SMYD3: variants seen among roughly 807,000 people sequenced by gnomAD.
SMYD3 encodes the protein histone-lysine N-methyltransferase SMYD3.
In SMYD3, 36 loss-of-function variants were observed where a neutral mutation model predicts 57.7. That is an observed-to-expected ratio of 0.62 (90% CI 0.48 to 0.82). The LOEUF is 0.82. Among genes scored for constraint, SMYD3 ranks in the 40% least tolerant of loss-of-function variants. SMYD3 has a pLI of 0.00. For missense variants in SMYD3, 515 were observed against 538.8 expected, an observed-to-expected ratio of 0.96 and a Z score of 0.44; for synonymous variants, 211 against 195.0, an observed-to-expected ratio of 1.08 and a Z score of -0.68.
chr1:246,339,091 C>T (rs1412916542), intron 2 of SMYD3, among the ~76,000 whole-genome samples: 1 of 152,112 alleles, frequency 6.6e-6, no homozygotes, highest in Non-Finnish European at 1.5e-5. Flanking sequence ...TTACATAATC[C>T]TAACAGCACT....
At chr1:245,942,394 T>C (rs886177110) in intron 5 of SMYD3, among the ~76,000 whole-genome samples, 14 of 152,212 alleles carry the variant, frequency 9.2e-5, no homozygotes, top group African/African-American at 3.4e-4. Context: ...GGGCATTACA[T>C]AATGGTAAAG....
intron 10 of SMYD3, among the ~76,000 whole-genome samples, chr1:245,798,564 C>G (rs2047700786): frequency 6.6e-6 from 1 of 150,698 alleles, no homozygotes; most frequent in African/African-American, 2.4e-5. Flanking sequence ...ACCCCAGAAC[C>G]AGGAAGAAAG....
intron 1 of SMYD3, among the ~76,000 whole-genome samples, chr1:246,495,966 A>AAT (rs139944620): frequency 2.0e-5 from 3 of 148,772 alleles, no homozygotes; most frequent in Admixed American, 6.7e-5. Flanking sequence ...TCACCTCAAA[A>AAT]AATAATAATA....
chr1:245,954,844 C>G (rs1390522254), intron 5 of SMYD3, among the ~76,000 whole-genome samples: 1 of 152,214 alleles, frequency 6.6e-6, no homozygotes, highest in Non-Finnish European at 1.5e-5. Context: ...GTCAATCTCT[C>G]TGGTCCCTGT....
intron 5 of SMYD3, among the ~76,000 whole-genome samples, chr1:246,324,581 T>G (rs2065308507): frequency 6.6e-6 from 1 of 151,918 alleles, no homozygotes; most frequent in South Asian, 2.1e-4. Context: ...CAGCGTAAAT[T>G]CAGAAGTCAG....
intron 5 of SMYD3, among the ~76,000 whole-genome samples, chr1:246,273,161 T>TGG (rs754308521): frequency 3.4e-4 from 45 of 131,130 alleles, no homozygotes; most frequent in Middle Eastern, 3.7e-3. Flanking sequence ...TTCTTTTTTT[T>TGG]GGGGGGGGGA....
chr1:246,195,749 A>G (rs760993317), intron 5 of SMYD3, among the ~76,000 whole-genome samples: 13 of 152,224 alleles, frequency 8.5e-5, no homozygotes, highest in Non-Finnish European at 1.6e-4. Flanking sequence ...AGGTCACTGT[A>G]ATACAACATC....
intron 2 of SMYD3, among the ~76,000 whole-genome samples, chr1:246,352,136 CAAAAAAAAAAAAAA>C (rs10581690): frequency 3.3e-5 from 2 of 60,478 alleles, no homozygotes; most frequent in Admixed American, 2.5e-4. Context: ...GACTCTGTCT[CAAAAAAAAAAAAAA>C]AAAAAAAAAA....
At chr1:246,288,291 C>T (rs1396856380) in intron 5 of SMYD3, among the ~76,000 whole-genome samples, 1 of 151,874 alleles carries the variant, frequency 6.6e-6, no homozygotes, top group African/African-American at 2.4e-5. Context: ...TCAGGCTGGT[C>T]TTGAACTCCG....
At chr1:246,143,878 G>C (rs2061802207) in intron 5 of SMYD3, among the ~76,000 whole-genome samples, 1 of 152,204 alleles carries the variant, frequency 6.6e-6, no homozygotes, top group African/African-American at 2.4e-5. Context: ...ACAGGATCAA[G>C]ATATTGAACA....
chr1:246,415,934 T>C (rs1318026547), intron 1 of SMYD3, among the ~76,000 whole-genome samples: 4 of 152,216 alleles, frequency 2.6e-5, no homozygotes, highest in Non-Finnish European at 5.9e-5. Flanking sequence ...TTGAACTGCA[T>C]ACATGTACGT....
At chr1:245,843,538 ATATGTGTGTG>A (rs1343755033) in intron 10 of SMYD3, among the ~76,000 whole-genome samples, 117 of 74,804 alleles carry the variant, frequency 1.6e-3, no homozygotes, top group African/African-American at 7.7e-3. Flanking sequence ...GTGTATATAT[ATATGTGTGTG>A]TGTGTGTGTG....
intron 10 of SMYD3, among the ~76,000 whole-genome samples, chr1:245,827,167 G>C: frequency 6.6e-6 from 1 of 152,178 alleles, no homozygotes; most frequent in East Asian, 1.9e-4. Flanking sequence ...GGCCCAGGGA[G>C]ATTAAACGGC....
intron 5 of SMYD3, among the ~76,000 whole-genome samples, chr1:246,118,184 C>T (rs745724738): frequency 2.6e-5 from 4 of 152,126 alleles, no homozygotes; most frequent in Non-Finnish European, 5.9e-5. Flanking sequence ...AAGGTAAAAA[C>T]AGTAGCTGAC....
At chr1:246,449,050 A>G (rs139849750) in intron 1 of SMYD3, among the ~76,000 whole-genome samples, 2 of 152,276 alleles carry the variant, frequency 1.3e-5, no homozygotes, top group East Asian at 3.9e-4. Context: ...AAACATAGTG[A>G]GACCCAGTGT....
intron 5 of SMYD3, among the ~76,000 whole-genome samples, chr1:246,120,428 C>A (rs6693724): frequency 6.6e-6 from 1 of 152,014 alleles, no homozygotes; most frequent in Admixed American, 6.6e-5. Context: ...TTCCTAAACT[C>A]AAGGGTCGCT....
intron 5 of SMYD3, among the ~76,000 whole-genome samples, chr1:246,129,867 T>C (rs572621589): frequency 7.2e-4 from 109 of 152,278 alleles, no homozygotes; most frequent in Middle Eastern, 6.8e-3. Flanking sequence ...AATTTGTGCA[T>C]AGAAACAATC....
intron 5 of SMYD3, among the ~76,000 whole-genome samples, chr1:246,167,155 A>G (rs1461360333): frequency 6.6e-6 from 1 of 152,208 alleles, no homozygotes; most frequent in Non-Finnish European, 1.5e-5. Flanking sequence ...GATTGTATGG[A>G]TAGATCACAA....
chr1:245,987,948 T>G (rs1362825237), intron 5 of SMYD3, among the ~76,000 whole-genome samples: 2 of 152,242 alleles, frequency 1.3e-5, no homozygotes, highest in African/African-American at 4.8e-5. Flanking sequence ...TCACAGACTC[T>G]GCTTCAGCTG....
Sources: allele counts gnomAD v4.1 joint callset (sites outside exome capture counted in the v4.1 genomes callset), GRCh38; gene constraint gnomAD v4.1.1; transcripts MANE v1.5; gene names NCBI Gene and HGNC (gene_info 2026-07-23, HGNC 2026-07-21).